The following CDK3 variants were observed in gnomAD, a reference collection of about 807,000 sequenced individuals.
CDK3 encodes the protein cyclin-dependent kinase 3.
In CDK3, 24 loss-of-function variants were observed where a neutral mutation model predicts 30.2. The ratio of observed to expected loss-of-function variants is 0.79; its 90% confidence interval spans 0.57 to 1.12. The LOEUF is 1.12. CDK3 is among the 50% of genes most tolerant of loss of function. CDK3 has a pLI of 0.00. For missense variants in CDK3, 345 were observed against 376.0 expected (o/e 0.92, Z 0.68); for synonymous variants, 158 against 154.2 (o/e 1.02, Z -0.18).
rs1296582663 is a variant in CDK3 at position 76,003,256 on chromosome 17, G to C, written c.650G>C (p.Arg217Pro). ...SEIDQLFRIF[R>P]MLGTPSEDTW... ...ATTGACCAGCTCTTTCGTATCTTTCGTATGCTGGGGACACCCAGCGAAGAC... is the reference window on the plus strand; with the variant it reads ...ATTGACCAGCTCTTTCGTATCTTTCCTATGCTGGGGACACCCAGCGAAGAC... The change falls in exon 7 of 8, where the codon CGT becomes CCT. Residue 217 changes from arginine (R) to proline (P), a missense_variant. Transcript: ENST00000448471. 6.2e-7 allele frequency: 1 copy of C among 1,614,082 alleles called. No individual in the cohort carries two copies. Among genetic ancestry groups the C allele is most frequent in the Admixed American group, 1.7e-5 (1 of 60,006 alleles).
Position 76,000,928 on chromosome 17 carries a change from A to G in CDK3, c.-54A>G. 1 of 1,063,710 alleles carries G rather than the reference A, an allele frequency of 9.4e-7. No individual in the cohort carries two copies. Among genetic ancestry groups the G allele is most frequent in the South Asian group, 2.8e-5 (1 of 35,142 alleles). 65.9% of individuals were successfully genotyped at this position (1,063,710 alleles called of 1,614,324 possible). ...GCAGCCCTTCCTGGCCGCCATGTGT[A>G]CCCAGAGCCTGGGACTGGCTGGGCT... On this transcript the variant is annotated 5_prime_UTR_variant, in exon 1 of 8. Transcript: ENST00000448471. This position sits in a 1 kb window ranked among gnomAD's most constrained non-coding sequence, Gnocchi z 5.9.
chr17:76,001,319 G>T lies in CDK3; in HGVS notation c.-14-93G>T. The T allele has an allele frequency of 1.3e-6, 2 of 1,566,918 alleles. No individual in the cohort carries two copies. The highest frequency in any genetic ancestry group is 1.2e-5 in the South Asian group (1 of 86,330). On this transcript the variant is annotated intron_variant, in intron 1 of 7. Coordinates refer to ENST00000448471, the MANE Select transcript of CDK3 (RefSeq NM_001258.4). The surrounding 1 kb of genome is among the most constrained non-coding windows in gnomAD (Gnocchi z 6.2). ...CTTGGGAGCTGGGCAGTCTGGGCTG[G>T]GCTGGGCTGGGCAGGGCGCCACATG...
intron 7 of CDK3, among the ~76,000 whole-genome samples, chr17:76,004,984 A>G (rs2066299206): frequency 6.6e-6 from 1 of 152,114 alleles, no homozygotes; most frequent in Non-Finnish European, 1.5e-5. Context: ...GGACAGCTTC[A>G]GTCCCCTGCT....
rs1364287109 is a variant in CDK3, at chr17:76,002,737, G to A, written c.588+125G>A. On this transcript the variant is annotated intron_variant, in intron 6 of 7. Transcript: ENST00000448471. The surrounding 1 kb of genome is among the most constrained non-coding windows in gnomAD (Gnocchi z 4.3). Reference sequence around the variant, plus strand: ...GTGTTTGGGGCTGGACATGGCTCACGCCCGTAATCCCAGCACTTTGGGAGG... The same window carrying A: ...GTGTTTGGGGCTGGACATGGCTCACACCCGTAATCCCAGCACTTTGGGAGG... The A allele has an allele frequency of 1.6e-5, 10 of 643,998 alleles. No individual in the cohort carries two copies. Among genetic ancestry groups the A allele is most frequent in the South Asian group, 8.8e-5 (5 of 56,630 alleles). The allele number at this position is 643,998 out of a possible 1,614,324, so 39.9% of individuals were successfully genotyped here.
Position 76,001,090 on chromosome 17 carries a change from G to A in CDK3, c.-15+123G>A. 2.5e-6 allele frequency: 3 copies of A among 1,191,292 alleles called. No individual in the cohort carries two copies. The highest frequency in any genetic ancestry group is 3.2e-6 in the Non-Finnish European group (3 of 948,858). 73.8% of individuals were successfully genotyped at this position (1,191,292 alleles called of 1,614,324 possible). On this transcript the variant is annotated intron_variant, in intron 1 of 7. Transcript: ENST00000448471. The surrounding 1 kb of genome is among the most constrained non-coding windows in gnomAD (Gnocchi z 6.2). ...CTGGGGGTTCTGGCTGGGATGGGCAGGGGGCTGGGTGGGAGAGTGTGGGCC... is the reference window on the plus strand; with the variant it reads ...CTGGGGGTTCTGGCTGGGATGGGCAAGGGGCTGGGTGGGAGAGTGTGGGCC...
chr17:76,005,398 A>G lies in CDK3; in HGVS notation c.893A>G (p.Tyr298Cys), dbSNP rs771002514. Residue 298 changes from tyrosine to cysteine, a missense_variant, in exon 8 of 8, where the codon TAT becomes TGT. Transcript: ENST00000448471. This position sits in a 1 kb window ranked among gnomAD's most constrained non-coding sequence, Gnocchi z 4.7. ...GAGCCCTCCCCAGCTGCCCGCCAGT[A>G]TGTGCTGCAGCGATTCCGCCATTGA... ...SPEPSPAARQYVLQRFRH is the reference protein window; with the variant it reads ...SPEPSPAARQCVLQRFRH The G allele has an allele frequency of 4.3e-6, 7 of 1,613,886 alleles. No homozygotes were observed. The highest frequency in any genetic ancestry group is 1.1e-5 in the South Asian group (1 of 91,074).
chr17:76,003,377 A>G lies in CDK3; in HGVS notation c.771A>G (p.Pro257=). ...GLEEIVPNLE[P]EGRDLLMQLL... is the part of the protein sequence containing the mutation. ...AAGAGATTGTGCCCAATCTGGAGCCAGAGGGCAGGGACCTGCTCATGGTAG... is the reference window on the plus strand; with the variant it reads ...AAGAGATTGTGCCCAATCTGGAGCCGGAGGGCAGGGACCTGCTCATGGTAG... Residue 257 remains proline, a synonymous_variant, in exon 7 of 8, where the codon CCA becomes CCG. Coordinates refer to ENST00000448471, the MANE Select transcript of CDK3 (RefSeq NM_001258.4). 1 of 1,613,642 alleles carries G rather than the reference A, an allele frequency of 6.2e-7. No individual in the cohort carries two copies. Among genetic ancestry groups the G allele is most frequent in the Non-Finnish European group, 8.5e-7 (1 of 1,180,000 alleles).
At position 76,005,004 on chromosome 17, in the gene CDK3, G is replaced by A. The variant is rs1031875758; in HGVS notation, c.793-294G>A. 2.6e-5 allele frequency among the ~76,000 whole-genome samples: 4 copies of A among 152,128 alleles called. No homozygotes were observed. The highest frequency in any genetic ancestry group is 9.7e-5 in the African/African-American group (4 of 41,418). The stretch of plus-strand genomic sequence containing the variant: ...GCTTCAGTCCCCTGCTTCCTGATAC[G>A]TGGGGTTCTGTGCTCTTCCCAACTA... On this transcript the variant is annotated intron_variant, in intron 7 of 7. Transcript: ENST00000448471. The surrounding 1 kb of genome is among the most constrained non-coding windows in gnomAD (Gnocchi z 4.7).
At position 76,001,658 on chromosome 17, in the gene CDK3, A is replaced by T. The variant is rs1366829736; in HGVS notation, c.116+117A>T. ...TTAACTCCTCTGGGTGCTGCCCAGCAGCCCTTACCTGTCCTCTCCCCAGTT... is the reference window on the plus strand; with the variant it reads ...TTAACTCCTCTGGGTGCTGCCCAGCTGCCCTTACCTGTCCTCTCCCCAGTT... On this transcript the variant is annotated intron_variant, in intron 2 of 7. Transcript: ENST00000448471. This position sits in a 1 kb window ranked among gnomAD's most constrained non-coding sequence, Gnocchi z 6.2. 4.2e-6 allele frequency: 4 copies of T among 951,244 alleles called. No homozygotes were observed. The highest frequency in any genetic ancestry group is 6.4e-6 in the Non-Finnish European group (4 of 628,148). 58.9% of individuals were successfully genotyped at this position (951,244 alleles called of 1,614,324 possible).
intron 7 of CDK3, among the ~76,000 whole-genome samples, chr17:76,004,075 CCT>C (rs569147030): frequency 1.1e-3 from 174 of 152,226 alleles, no homozygotes; most frequent in African/African-American, 3.7e-3. Context: ...TGGCTGTTCC[CCT>C]GTGACTCCTA....
rs915438859 is a variant in CDK3, at chr17:76,002,889, CTTGGGAGG to C, written c.588+281_588+288del. The stretch of plus-strand genomic sequence containing the variant: ...TGGTGCATGCTTGTAGTCCCAGCTA[CTTGGGAGG>C]TTGAGGCAGGAGGATTGCTTGAGCC... On this transcript the variant is annotated intron_variant, in intron 6 of 7. Transcript: ENST00000448471. The surrounding 1 kb of genome is among the most constrained non-coding windows in gnomAD (Gnocchi z 4.3). 48 of 538,136 alleles carry C rather than the reference CTTGGGAGG, an allele frequency of 8.9e-5. No individual in the cohort carries two copies. The highest frequency in any genetic ancestry group is 7.4e-4 in the African/African-American group (39 of 52,610). The allele number at this position is 538,136 out of a possible 1,614,324, so 33.3% of individuals were successfully genotyped here. A position where few individuals can be genotyped will look rare whatever the true frequency, so the allele number is the denominator to read the frequency against.
rs1251470233 is a variant in CDK3, at chr17:76,003,491, G to A, written c.792+93G>A. 4 of 1,015,404 alleles carry A rather than the reference G, an allele frequency of 3.9e-6. No individual in the cohort carries two copies. The African/African-American group carries it at 4.8e-5, about 12-fold the overall frequency. 62.9% of individuals were successfully genotyped at this position (1,015,404 alleles called of 1,614,324 possible). A position where few individuals can be genotyped will look rare whatever the true frequency, so the allele number is the denominator to read the frequency against. The stretch of plus-strand genomic sequence containing the variant: ...AACCCTGGCACTTTCTGAGTCCAAG[G>A]CCAGGGTCTCTTTCCTGACCTTTGT... On this transcript the variant is annotated intron_variant, in intron 7 of 7. Transcript: ENST00000448471.
intron 7 of CDK3, among the ~76,000 whole-genome samples, chr17:76,004,219 G>GTTTTTTTTTC (rs2066289066): frequency 1.1e-5 from 1 of 92,322 alleles, no homozygotes; most frequent in African/African-American, 5.0e-5. Flanking sequence ...AGAACCGTCT[G>GTTTTTTTTTC]TTTTTTTTTT....
rs1259506023 is a variant in CDK3 at position 76,002,652 on chromosome 17, C to T, written c.588+40C>T. 2.6e-6 allele frequency: 2 copies of T among 783,926 alleles called. No homozygotes were observed. Among genetic ancestry groups the T allele is most frequent in the Admixed American group, 1.7e-5 (1 of 58,900 alleles). The allele number at this position is 783,926 out of a possible 1,614,324, so 48.6% of individuals were successfully genotyped here. A position where few individuals can be genotyped will look rare whatever the true frequency, so the allele number is the denominator to read the frequency against. ...ACACATGGCCACAGGGTGCCACAGG[C>T]AGGGTCCTACTGGGGTTGGGTGGGG... On this transcript the variant is annotated intron_variant, in intron 6 of 7. Coordinates refer to ENST00000448471, the MANE Select transcript of CDK3 (RefSeq NM_001258.4). The surrounding 1 kb of genome is among the most constrained non-coding windows in gnomAD (Gnocchi z 4.3).
chr17:76,002,864 TG>T lies in CDK3; in HGVS notation c.588+254del, dbSNP rs2066274356. 9.2e-6 allele frequency: 5 copies of T among 542,880 alleles called. No individual in the cohort carries two copies. Among genetic ancestry groups the T allele is most frequent in the Non-Finnish European group, 1.7e-5 (5 of 302,182 alleles). 33.6% of individuals were successfully genotyped at this position (542,880 alleles called of 1,614,324 possible). A position where few individuals can be genotyped will look rare whatever the true frequency, so the allele number is the denominator to read the frequency against. ...AACTACAAAAATTAGCTGGGTGTGG[TG>T]GTGCATGCTTGTAGTCCCAGCTACT... On this transcript the variant is annotated intron_variant, in intron 6 of 7. Transcript: ENST00000448471. The surrounding 1 kb of genome is among the most constrained non-coding windows in gnomAD (Gnocchi z 4.3).
chr17:76,002,098 A>G lies in CDK3; in HGVS notation c.271A>G (p.Met91Val), dbSNP rs1324587154. Residue 91 changes from methionine (M) to valine (V), a missense_variant, in exon 4 of 8, where the codon ATG (methionine) becomes GTG (valine). By Grantham distance (21) the Met-to-Val change is conservative. Transcript: ENST00000448471. This position sits in a 1 kb window ranked among gnomAD's most constrained non-coding sequence, Gnocchi z 4.3. ...CCTCAGCCAGGACCTGAAGAAGTAC[A>G]TGGACTCCACCCCAGGCTCAGAGCT... ...EFLSQDLKKY[M>V]DSTPGSELPL... 1.2e-6 allele frequency: 2 copies of G among 1,613,766 alleles called. No homozygotes were observed. Among genetic ancestry groups the G allele is most frequent in the Non-Finnish European group, 1.7e-6 (2 of 1,179,968 alleles).
rs960772229 is a variant in CDK3, at chr17:76,001,637, C to T, written c.116+96C>T. On this transcript the variant is annotated intron_variant, in intron 2 of 7. Transcript: ENST00000448471. The surrounding 1 kb of genome is among the most constrained non-coding windows in gnomAD (Gnocchi z 6.2). ...CCTCTTTCCTGGAGTCCACGTTTAA[C>T]TCCTCTGGGTGCTGCCCAGCAGCCC... The T allele has an allele frequency of 1.8e-6, 2 of 1,103,088 alleles. No individual in the cohort carries two copies. Among genetic ancestry groups the T allele is most frequent in the African/African-American group, 3.1e-5 (2 of 64,584 alleles). The allele number at this position is 1,103,088 out of a possible 1,614,324, so 68.3% of individuals were successfully genotyped here.
Position 76,003,249 on chromosome 17 carries a change from A to G in CDK3, c.643A>G (p.Ile215Val). The change falls in exon 7 of 8, where the codon ATC (isoleucine) becomes GTC (valine). Residue 215 changes from isoleucine (I) to valine (V), a missense_variant. Coordinates refer to ENST00000448471, the MANE Select transcript of CDK3 (RefSeq NM_001258.4). ...CTCTGAGATTGACCAGCTCTTTCGT[A>G]TCTTTCGTATGCTGGGGACACCCAG... The part of the protein sequence containing the change: ...GDSEIDQLFR[I>V]FRMLGTPSED... 6.2e-7 allele frequency: 1 copy of G among 1,614,126 alleles called. No homozygotes were observed. The highest frequency in any genetic ancestry group is 8.5e-7 in the Non-Finnish European group (1 of 1,180,030).
In CDK3 at chr17:76,001,708, C is replaced by T. The variant is rs1454253061; in HGVS notation, c.117-166C>T. 21 of 896,404 alleles carry T rather than the reference C, an allele frequency of 2.3e-5. No individual in the cohort carries two copies. In the East Asian group the frequency reaches 2.9e-4, roughly 12 times the overall value. The allele number at this position is 896,404 out of a possible 1,614,324, so 55.5% of individuals were successfully genotyped here. A position where few individuals can be genotyped will look rare whatever the true frequency, so the allele number is the denominator to read the frequency against. ...TCACTGCCTTCTGACCAGCCTTTGCCGGGGCCCTGACTGTGGAGTTTGGTG... is the reference window on the plus strand; with the variant it reads ...TCACTGCCTTCTGACCAGCCTTTGCTGGGGCCCTGACTGTGGAGTTTGGTG... On this transcript the variant is annotated intron_variant, in intron 2 of 7. Coordinates refer to ENST00000448471, the MANE Select transcript of CDK3 (RefSeq NM_001258.4). The surrounding 1 kb of genome is among the most constrained non-coding windows in gnomAD (Gnocchi z 6.2).
Sources: gnomAD v4.1 joint callset for allele counts (sites outside exome capture counted in the v4.1 genomes callset) on GRCh38, gnomAD v4.1.1 for gene constraint, Gnocchi (gnomAD v3.1) non-coding constraint, MANE v1.5 for transcripts, NCBI Gene and HGNC (gene_info 2026-07-23, HGNC 2026-07-21) for gene names.